The following CFAP44 variants were observed in gnomAD, a reference collection of about 807,000 sequenced individuals.
CFAP44 encodes the protein cilia and flagella associated protein 44.
A neutral mutation model predicts 216.2 loss-of-function variants in CFAP44; 134 were observed. The ratio of observed to expected loss-of-function variants is 0.62; its 90% CI spans 0.54 to 0.72. CFAP44 has a LOEUF of 0.72. Among genes scored for constraint, CFAP44 ranks in the 30% least tolerant of loss-of-function variants. CFAP44 has a pLI of 0.00. For synonymous variants in CFAP44, 700 were observed against 727.6 expected, an observed-to-expected ratio of 0.96 and a Z score of 0.61; for missense variants, 2,035 against 2,182.1, an observed-to-expected ratio of 0.93 and a Z score of 1.34.
chr3:113,344,160 C>A (rs1470054999), intron 23 of CFAP44, among the ~76,000 whole-genome samples: 1 of 152,204 alleles, frequency 6.6e-6, no homozygotes, highest in Non-Finnish European at 1.5e-5. Flanking sequence ...TAGAACCTAG[C>A]ATCTGGGGAA....
At position 113,289,206 on chromosome 3, in the gene CFAP44, A is replaced by G. The variant is rs562633375; in HGVS notation, c.*2351T>C. The G allele has an allele frequency of 2.0e-5, 3 of 152,376 alleles. No individual in the cohort carries two copies. Among genetic ancestry groups the G allele is most frequent in the African/African-American group, 7.2e-5 (3 of 41,592 alleles). 9.4% of individuals were successfully genotyped at this position (152,376 alleles called of 1,614,324 possible). On this transcript the variant is annotated 3_prime_UTR_variant, in exon 35 of 35. Coordinates refer to ENST00000393845, the MANE Select transcript of CFAP44 (RefSeq NM_001164496.2). ...TTGAAATGAACCTAAAGCTATCAACATATTTTGTCCAATTCAAAATAAAGT... is the reference window on the plus strand; with the variant it reads ...TTGAAATGAACCTAAAGCTATCAACGTATTTTGTCCAATTCAAAATAAAGT...
At position 113,409,187 on chromosome 3, in the gene CFAP44, GC is replaced by G. The variant is rs1469963563; in HGVS notation, c.808del (p.Ala270LeufsTer45). 6.2e-7 allele frequency: 1 copy of G among 1,613,892 alleles called. No homozygotes were observed. Among genetic ancestry groups the G allele is most frequent in the Non-Finnish European group, 8.5e-7 (1 of 1,180,012 alleles). On this transcript the variant is annotated frameshift_variant, in exon 7 of 35. Coordinates refer to ENST00000393845, the MANE Select transcript of CFAP44 (RefSeq NM_001164496.2). LOFTEE classifies it high-confidence loss of function. The part of the protein sequence containing the change: ...KEEQPILRTK[A>X]FSQEVFKVTF... ...AACCTTAAAAACTTCCTGAGAAAAA[GC>G]TTTTGTCCTTAGTATGGGTTGTTCT...
chr3:113,423,401 A>G (rs1934873738), intron 4 of CFAP44, among the ~76,000 whole-genome samples: 1 of 152,056 alleles, frequency 6.6e-6, no homozygotes, highest in African/African-American at 2.4e-5. Flanking sequence ...AAGCCTCCCA[A>G]GGTGCTAGGA....
chr3:113,401,208 T>C, intron 11 of CFAP44, 32 bp downstream of exon 11: 1 of 1,551,302 alleles, frequency 6.4e-7, no homozygotes, highest in Non-Finnish European at 8.7e-7. Flanking sequence ...ACTATGAAAG[T>C]TAGGAGAAAA....
At chr3:113,343,387 T>C (rs1950353522) in intron 23 of CFAP44, among the ~76,000 whole-genome samples, 1 of 152,130 alleles carries the variant, frequency 6.6e-6, no homozygotes, top group Admixed American at 6.6e-5. Flanking sequence ...TATTGGGGAA[T>C]TACTCTATTC....
intron 15 of CFAP44, among the ~76,000 whole-genome samples, chr3:113,385,559 T>C (rs980323004): frequency 6.6e-6 from 1 of 152,210 alleles, no homozygotes; most frequent in African/African-American, 2.4e-5. Flanking sequence ...ATGTGTATTC[T>C]ACAGCTGTCG....
chr3:113,300,221 TGGAGGTGGG>T (rs200634366), intron 32 of CFAP44, among the ~76,000 whole-genome samples: 5,092 of 152,130 alleles, frequency 0.033, 257 homozygotes, highest in African/African-American at 0.11. Context: ...GGAAGGATAG[TGGAGGTGGG>T]GGATGTGGGA....
chr3:113,362,395 T>C (rs1576570459), intron 21 of CFAP44, among the ~76,000 whole-genome samples: 1 of 152,068 alleles, frequency 6.6e-6, no homozygotes, highest in African/African-American at 2.4e-5. Flanking sequence ...CTGCAGCAGC[T>C]TGATGTGGAG....
chr3:113,387,213 C>T (rs1933673815), intron 15 of CFAP44, among the ~76,000 whole-genome samples: 1 of 152,198 alleles, frequency 6.6e-6, no homozygotes, highest in African/African-American at 2.4e-5. Context: ...GCCTGGGTGG[C>T]CAAGAGAGTG....
chr3:113,307,732 G>A (rs1949999597), intron 29 of CFAP44, among the ~76,000 whole-genome samples: 1 of 152,216 alleles, frequency 6.6e-6, no homozygotes, highest in Non-Finnish European at 1.5e-5. Context: ...CACTTTGGGA[G>A]GCTGAGGCAG....
At chr3:113,386,558 A>G (rs1199474764) in intron 15 of CFAP44, among the ~76,000 whole-genome samples, 1 of 152,226 alleles carries the variant, frequency 6.6e-6, no homozygotes, top group Non-Finnish European at 1.5e-5. Flanking sequence ...CCTAGGTTGT[A>G]CAATCAATAA....
chr3:113,344,469 G>C (rs1345123061), intron 23 of CFAP44, 47 bp downstream of exon 23: 4 of 1,475,398 alleles, frequency 2.7e-6, no homozygotes, highest in Non-Finnish European at 3.6e-6. Flanking sequence ...ATTCACTTTT[G>C]AAGTCTTAGT....
At chr3:113,408,992 G>T (rs1576595271) in intron 7 of CFAP44, 114 bp downstream of exon 7, 153 of 644,842 alleles carry the variant, frequency 2.4e-4, no homozygotes, top group Admixed American at 5.0e-4. Flanking sequence ...TAATTCTAAT[G>T]TTAACCAAAA....
chr3:113,436,902 T>C (rs949081827), intron 1 of CFAP44, among the ~76,000 whole-genome samples: 7 of 152,246 alleles, frequency 4.6e-5, no homozygotes, highest in African/African-American at 1.4e-4. Context: ...TATTATTTCA[T>C]GGTTTTGTGA....
At chr3:113,320,699 C>T (rs112863305) in intron 28 of CFAP44, among the ~76,000 whole-genome samples, 14,125 of 151,786 alleles carry the variant, frequency 0.093, 884 homozygotes, top group African/African-American at 0.17. Flanking sequence ...CCAGTCCAAG[C>T]CCCAAAACTG....
At chr3:113,327,543 T>G (rs1950198988) in intron 27 of CFAP44, 73 bp downstream of exon 27, 1 of 1,353,970 alleles carries the variant, frequency 7.4e-7, no homozygotes. Flanking sequence ...AGATTTGAGT[T>G]AAGAAGAAAA....
At chr3:113,364,954 C>T (rs1950574461) in intron 19 of CFAP44, among the ~76,000 whole-genome samples, 1 of 151,868 alleles carries the variant, frequency 6.6e-6, no homozygotes, top group South Asian at 2.1e-4. Context: ...TTTTTTCTTT[C>T]TTAAAAGCTA....
intron 22 of CFAP44, among the ~76,000 whole-genome samples, chr3:113,357,698 G>A (rs1401530362): frequency 2.0e-5 from 3 of 152,188 alleles, no homozygotes; most frequent in Non-Finnish European, 2.9e-5. Flanking sequence ...CACTAACACA[G>A]TGGGGATCAA....
chr3:113,319,065 G>C (rs564478812), intron 28 of CFAP44, among the ~76,000 whole-genome samples: 13 of 151,880 alleles, frequency 8.6e-5, no homozygotes, highest in African/African-American at 3.1e-4. Context: ...CATGATGACA[G>C]GATCAAAAAT....
Sources: allele counts gnomAD v4.1 joint callset (sites outside exome capture counted in the v4.1 genomes callset), GRCh38; gene constraint gnomAD v4.1.1; transcripts MANE v1.5; gene names NCBI Gene and HGNC (gene_info 2026-07-23, HGNC 2026-07-21).